The following MAST3 variants were observed in gnomAD, a reference collection of about 807,000 sequenced individuals.
MAST3 encodes the protein microtubule associated serine/threonine kinase 3.
A neutral mutation model predicts 127.0 loss-of-function variants in MAST3; 43 were observed. The ratio of observed to expected loss-of-function variants is 0.34; its 90% CI spans 0.27 to 0.44. The LOEUF is 0.44. Among genes scored for constraint, MAST3 ranks in the 20% least tolerant of loss-of-function variants. MAST3 has a pLI of 1.00. For synonymous variants in MAST3, 785 were observed against 809.2 expected (o/e 0.97, Z 0.51); for missense variants, 1,390 against 1,919.1 (o/e 0.72, Z 5.15).
chr19:18,147,758 A>G (rs1376631832), intron 27 of MAST3, 134 bp downstream of exon 27: 1 of 692,962 alleles, frequency 1.4e-6, no homozygotes, highest in Non-Finnish European at 2.4e-6. Context: ...CCTGGTGTCT[A>G]GCAGGGAACC....
Position 18,144,080 on chromosome 19 carries a change from T to C in MAST3, c.2584+73T>C. On this transcript the variant is annotated intron_variant, in intron 22 of 27. Coordinates refer to ENST00000687212, the MANE Select transcript of MAST3 (RefSeq NM_001393504.1). The surrounding 1 kb of genome is among the most constrained non-coding windows in gnomAD (Gnocchi z 4.0). ...GAGGAGGGGCTATTTGAGATGGGTT[T>C]TCAAGGATGAGTAGGAGTTCTCCAG... 6.6e-7 allele frequency: 1 copy of C among 1,514,294 alleles called. No individual in the cohort carries two copies. Among genetic ancestry groups the C allele is most frequent in the Non-Finnish European group, 8.8e-7 (1 of 1,132,102 alleles). 93.8% of individuals were successfully genotyped at this position (1,514,294 alleles called of 1,614,324 possible). A position where few individuals can be genotyped will look rare whatever the true frequency, so the allele number is the denominator to read the frequency against.
At position 18,149,263 on chromosome 19, in the gene MAST3, C is replaced by T; in HGVS notation, c.3581C>T (p.Thr1194Ile). ...GCCTCCCCAGCTGCTGCTGGCCACA[C>T]CCGCCCCAGCTCCCTGCACGGCCTG... ...SPASPAAAGH[T>I]RPSSLHGLAA... The change falls in exon 28 of 28, where the codon ACC (threonine) becomes ATC (isoleucine). Residue 1194 changes from threonine (T) to isoleucine (I), a missense_variant. Physicochemically the swap from Thr to Ile is moderately conservative, Grantham distance 89 (BLOSUM62 -1). This residue lies in a region of MAST3 where 816 missense variants were observed against 934.1 expected (regional missense o/e 0.87). Coordinates refer to ENST00000687212, the MANE Select transcript of MAST3 (RefSeq NM_001393504.1). The surrounding 1 kb of genome is among the most constrained non-coding windows in gnomAD (Gnocchi z 5.9). 6.4e-7 allele frequency: 1 copy of T among 1,551,168 alleles called. No individual in the cohort carries two copies. Among genetic ancestry groups the T allele is most frequent in the Non-Finnish European group, 8.7e-7 (1 of 1,152,286 alleles).
In MAST3 at chr19:18,145,903, G is replaced by A; in HGVS notation, c.3162+38G>A. Reference sequence around the variant, plus strand: ...CACTGCCCACCCTCAGGGCTCCCCAGCACCCCTTGGCCGCAGCTCCCGGTT... The same window carrying A: ...CACTGCCCACCCTCAGGGCTCCCCAACACCCCTTGGCCGCAGCTCCCGGTT... On this transcript the variant is annotated intron_variant, in intron 25 of 27. Coordinates refer to ENST00000687212, the MANE Select transcript of MAST3 (RefSeq NM_001393504.1). This position sits in a 1 kb window ranked among gnomAD's most constrained non-coding sequence, Gnocchi z 5.9. 6.5e-7 allele frequency: 1 copy of A among 1,535,336 alleles called. No individual in the cohort carries two copies.
At chr19:18,133,181 C>A (rs2041509137) in intron 15 of MAST3, among the ~76,000 whole-genome samples, 1 of 151,948 alleles carries the variant, frequency 6.6e-6, no homozygotes, top group Non-Finnish European at 1.5e-5. Context: ...GTATGTGGCA[C>A]CTGCTGTATA....
At chr19:18,123,411 C>G in intron 7 of MAST3, 37 bp downstream of exon 7, 1 of 1,580,068 alleles carries the variant, frequency 6.3e-7, no homozygotes. Flanking sequence ...CCGGCCCCTC[C>G]CTGGGCTGGT....
chr19:18,138,501 A>T (rs1030342945), intron 19 of MAST3, among the ~76,000 whole-genome samples: 2 of 149,662 alleles, frequency 1.3e-5, no homozygotes, highest in African/African-American at 4.9e-5. Context: ...ACAACTTTTT[A>T]ATTATTTATT....
chr19:18,111,483 A>G (rs2146950361), intron 3 of MAST3, among the ~76,000 whole-genome samples: 1 of 149,448 alleles, frequency 6.7e-6, no homozygotes, highest in Non-Finnish European at 1.5e-5. Flanking sequence ...TGGCCCATCA[A>G]CCATTTACAC....
intron 8 of MAST3, 121 bp downstream of exon 8, chr19:18,123,776 T>C: frequency 9.0e-7 from 1 of 1,113,622 alleles, no homozygotes; most frequent in Non-Finnish European, 1.3e-6. Context: ...TGTCTTTCCT[T>C]CCCCTTCCGT....
rs1384641880 is a variant in MAST3 at position 18,145,810 on chromosome 19, A to G, written c.3107A>G (p.Asn1036Ser). The G allele has an allele frequency of 3.8e-6, 6 of 1,593,692 alleles. No homozygotes were observed. The highest frequency in any genetic ancestry group is 1.8e-5 in the Admixed American group (1 of 54,560). Residue 1036 changes from asparagine to serine, a missense_variant, in exon 25 of 28, where the codon AAC (asparagine) becomes AGC (serine). Around this residue, in one of 5 missense-constraint regions of MAST3, gnomAD observed 816 missense variants for 934.1 expected, o/e 0.87. Transcript: ENST00000687212. The surrounding 1 kb of genome is among the most constrained non-coding windows in gnomAD (Gnocchi z 5.9). The stretch of plus-strand genomic sequence containing the variant: ...GCTGGGGACCTCATCACCCACATCA[A>G]CGGGGAGTCAGTGCTGGGGCTGGTG... ...LRAGDLITHINGESVLGLVHM... is the reference protein window; with the variant it reads ...LRAGDLITHISGESVLGLVHM...
intron 1 of MAST3, among the ~76,000 whole-genome samples, chr19:18,107,296 C>T (rs540683882): frequency 9.2e-5 from 14 of 152,010 alleles, no homozygotes; most frequent in East Asian, 7.7e-4. Context: ...TGGTAGGAGC[C>T]GGGTGGGGAA....
intron 14 of MAST3, among the ~76,000 whole-genome samples, chr19:18,131,143 C>T (rs1279164893): frequency 3.3e-5 from 5 of 152,322 alleles, no homozygotes; most frequent in Admixed American, 2.0e-4. Context: ...CAGCTTGGCG[C>T]GCTGGCTCAC....
chr19:18,146,632 G>A (rs1037854283), intron 25 of MAST3, among the ~76,000 whole-genome samples: 1 of 152,146 alleles, frequency 6.6e-6, no homozygotes, highest in African/African-American at 2.4e-5. Context: ...CCCCGGGAGG[G>A]TGGAGAGTGA....
At position 18,149,329 on chromosome 19, in the gene MAST3, G is replaced by A. The variant is rs939771536; in HGVS notation, c.3647G>A (p.Arg1216His). 3.3e-6 allele frequency: 5 copies of A among 1,524,792 alleles called. No individual in the cohort carries two copies. The highest frequency in any genetic ancestry group is 2.7e-5 in the East Asian group (1 of 37,532). The allele number at this position is 1,524,792 out of a possible 1,614,324, so 94.5% of individuals were successfully genotyped here. A position where few individuals can be genotyped will look rare whatever the true frequency, so the allele number is the denominator to read the frequency against. ...LGPPRPKTGR[R>H]KSTSSIPPSP... Reference sequence around the variant, plus strand: ...CCACCCCGCCCCAAGACTGGCCGCCGCAAGTCCACCAGCAGCATCCCGCCC... The same window carrying A: ...CCACCCCGCCCCAAGACTGGCCGCCACAAGTCCACCAGCAGCATCCCGCCC... Residue 1216 changes from arginine to histidine, a missense_variant, in exon 28 of 28, where the codon CGC becomes CAC. Arg to His is a conservative substitution (Grantham distance 29). This residue lies in a region of MAST3 where 816 missense variants were observed against 934.1 expected (regional missense o/e 0.87). Coordinates refer to ENST00000687212, the MANE Select transcript of MAST3 (RefSeq NM_001393504.1). This position sits in a 1 kb window ranked among gnomAD's most constrained non-coding sequence, Gnocchi z 5.9.
intron 1 of MAST3, among the ~76,000 whole-genome samples, chr19:18,101,573 C>G (rs1283002804): frequency 6.6e-6 from 1 of 152,156 alleles, no homozygotes. Context: ...TTTGACACCC[C>G]CTACTCCAGG....
At chr19:18,125,489 C>G (rs1022684036) in intron 11 of MAST3, among the ~76,000 whole-genome samples, 2 of 152,088 alleles carry the variant, frequency 1.3e-5, no homozygotes, top group Non-Finnish European at 2.9e-5. Context: ...CGCCTGTAAT[C>G]CCAGCACTTT....
chr19:18,138,908 T>C, intron 19 of MAST3, 107 bp from the exon 20 acceptor site: 1 of 747,670 alleles, frequency 1.3e-6, no homozygotes, highest in Non-Finnish European at 2.3e-6. Context: ...TCAGAGCCTT[T>C]GCCCTGGCAG....
intron 1 of MAST3, chr19:18,098,885 AC>A: frequency 2.2e-6 from 1 of 449,026 alleles, no homozygotes; most frequent in South Asian, 1.6e-5. Context: ...AGCAGCGGTG[AC>A]CCCACGGAGT....
chr19:18,133,405 G>A (rs2041537840), intron 15 of MAST3, among the ~76,000 whole-genome samples: 1 of 151,980 alleles, frequency 6.6e-6, no homozygotes, highest in Admixed American at 6.6e-5. Flanking sequence ...TTTGAGACAG[G>A]GACAGTCTTT....
chr19:18,124,457 C>A, intron 10 of MAST3, 91 bp downstream of exon 10: 1 of 1,388,142 alleles, frequency 7.2e-7, no homozygotes, highest in South Asian at 1.3e-5. Context: ...TGACAGTTCC[C>A]ATCGTGTAGG....
Sources: allele counts gnomAD v4.1 joint callset (sites outside exome capture counted in the v4.1 genomes callset), GRCh38; gene constraint gnomAD v4.1.1; regional missense constraint gnomAD v4.1.1; non-coding constraint Gnocchi (gnomAD v3.1); transcripts MANE v1.5; gene names NCBI Gene and HGNC (gene_info 2026-07-23, HGNC 2026-07-21).